The following UGT1A3 variants were observed in gnomAD, a reference collection of about 807,000 sequenced individuals.
UGT1A3 encodes UDP-glucuronosyltransferase 1A3.
In UGT1A3, 31 loss-of-function variants were observed where a neutral mutation model predicts 41.0. The observed-to-expected ratio is 0.76, with a 90% CI of 0.57 to 1.02. The LOEUF (loss-of-function observed/expected upper bound fraction) is 1.02, where lower values mean the gene tolerates loss of function less well. Among genes scored for constraint, UGT1A3 ranks in the 50% least tolerant of loss-of-function variants. UGT1A3 has a pLI of 0.00. For synonymous variants in UGT1A3, 262 were observed against 257.6 expected, an observed-to-expected ratio of 1.02 and a Z score of -0.17; for missense variants, 737 against 671.0, an observed-to-expected ratio of 1.10 and a Z score of -1.09.
intron 1 of UGT1A3, among the ~76,000 whole-genome samples, chr2:233,746,455 T>G (rs1294598845): frequency 6.6e-6 from 1 of 151,652 alleles, no homozygotes; most frequent in Non-Finnish European, 1.5e-5. Context: ...GAAAGTACCT[T>G]CAAAAGGGTT....
At chr2:233,771,972 A>G (rs1700426237) in intron 4 of UGT1A3, among the ~76,000 whole-genome samples, 1 of 152,212 alleles carries the variant, frequency 6.6e-6, no homozygotes, top group African/African-American at 2.4e-5. Flanking sequence ...AAAATTGGCC[A>G]GACATAGTGG....
chr2:233,769,855 C>T lies in UGT1A3; in HGVS notation c.1307+1416C>T. The T allele has an allele frequency of 2.7e-6, 1 of 372,078 alleles. No individual in the cohort carries two copies. The highest frequency in any genetic ancestry group is 4.4e-6 in the Non-Finnish European group (1 of 226,694). The allele number at this position is 372,078 out of a possible 1,614,324, so 23.0% of individuals were successfully genotyped here. On this transcript the variant is annotated intron_variant, in intron 4 of 4. Coordinates refer to ENST00000482026, the MANE Select transcript of UGT1A3 (RefSeq NM_019093.4). The surrounding 1 kb of genome is among the most constrained non-coding windows in gnomAD (Gnocchi z 4.4). ...CCTGGGCAACAGAGTGAGACCCTGT[C>T]TCAAAAAAAAAAAAAAAAATGAAAA...
chr2:233,731,908 A>T (rs2078219373), intron 1 of UGT1A3, among the ~76,000 whole-genome samples: 1 of 152,202 alleles, frequency 6.6e-6, no homozygotes, highest in African/African-American at 2.4e-5. Flanking sequence ...CCAATGGTGT[A>T]AAAGTGTTCC....
Position 233,772,725 on chromosome 2 carries a change from A to G in UGT1A3, c.*166A>G. ...AAATTCTCTTAAATAAAAATAATAG[A>G]CTCGCTAGTCAGTAAAGATATTTGA... On this transcript the variant is annotated 3_prime_UTR_variant, in exon 5 of 5. Coordinates refer to ENST00000482026, the MANE Select transcript of UGT1A3 (RefSeq NM_019093.4). The G allele has an allele frequency of 6.9e-7, 1 of 1,452,344 alleles. No homozygotes were observed. Among genetic ancestry groups the G allele is most frequent in the Non-Finnish European group, 9.0e-7 (1 of 1,105,170 alleles). The allele number at this position is 1,452,344 out of a possible 1,614,324, so 90.0% of individuals were successfully genotyped here.
At position 233,731,426 on chromosome 2, in the gene UGT1A3, C is replaced by A. The variant is rs575531992; in HGVS notation, c.867+1433C>A. Among the ~76,000 whole-genome samples, 3 of 152,128 alleles carry A rather than the reference C, an allele frequency of 2.0e-5. No homozygotes were observed. The South Asian group carries it at 6.2e-4, about 32-fold the overall frequency. On this transcript the variant is annotated intron_variant, in intron 1 of 4. Coordinates refer to ENST00000482026, the MANE Select transcript of UGT1A3 (RefSeq NM_019093.4). ...CATTAGGTATTTTTCCTAATGCCATCCCTCCCCCAGTCCCCCACCCCACAA... is the reference window on the plus strand; with the variant it reads ...CATTAGGTATTTTTCCTAATGCCATACCTCCCCCAGTCCCCCACCCCACAA...
chr2:233,735,863 T>C (rs1339827457), intron 1 of UGT1A3, among the ~76,000 whole-genome samples: 2 of 151,778 alleles, frequency 1.3e-5, no homozygotes, highest in Non-Finnish European at 2.9e-5. Context: ...CTTGTAGGGT[T>C]TCTGCAGAGA....
intron 1 of UGT1A3, among the ~76,000 whole-genome samples, chr2:233,744,373 G>A (rs1353064237): frequency 6.6e-6 from 1 of 151,860 alleles, no homozygotes; most frequent in Non-Finnish European, 1.5e-5. Context: ...TAGGACTGCA[G>A]TTCTCCAACG....
chr2:233,735,745 A>T lies in UGT1A3; in HGVS notation c.867+5752A>T, dbSNP rs1416726513. Among the ~76,000 whole-genome samples, 5 of 152,186 alleles carry T rather than the reference A, an allele frequency of 3.3e-5. No individual in the cohort carries two copies. The East Asian group carries it at 9.6e-4, about 29-fold the overall frequency. ...CTCAGCATTTGCTTGTCTATAAAGG[A>T]TTTTATTTCTCCTTCACTTATGAAG... On this transcript the variant is annotated intron_variant, in intron 1 of 4. Coordinates refer to ENST00000482026, the MANE Select transcript of UGT1A3 (RefSeq NM_019093.4).
chr2:233,744,268 G>A (rs975143580), intron 1 of UGT1A3, among the ~76,000 whole-genome samples: 1 of 151,806 alleles, frequency 6.6e-6, no homozygotes, highest in Non-Finnish European at 1.5e-5. Context: ...TTTTCTTAAA[G>A]TAGGCTTTAT....
In UGT1A3 at chr2:233,729,997, T is replaced by G; in HGVS notation, c.867+4T>G. On this transcript the variant is annotated splice_donor_region_variant and intron_variant, in intron 1 of 4. Transcript: ENST00000482026. ...CAACAGGAAGCCACTATCTCAGGTC[T>G]GTATTGGTGCCTTCATCCAATCAAT... is the stretch of plus-strand genomic sequence containing the variant. 3 of 1,614,024 alleles carry G rather than the reference T, an allele frequency of 1.9e-6. No individual in the cohort carries two copies. The South Asian group carries it at 3.3e-5, about 18-fold the overall frequency.
rs771653845 is a variant in UGT1A3, at chr2:233,729,158, G to C, written c.32G>C (p.Trp11Ser). 73 of 1,613,350 alleles carry C rather than the reference G, an allele frequency of 4.5e-5. No homozygotes were observed. Among genetic ancestry groups the C allele is most frequent in the Middle Eastern group, 1.8e-4 (1 of 5,680 alleles). The change falls in exon 1 of 5, where the codon TGG (tryptophan) becomes TCG (serine). Residue 11 changes from tryptophan to serine, a missense_variant. Trp to Ser is a radical substitution (Grantham distance 177). Transcript: ENST00000482026. MATGLQVPLP[W>S]LATGLLLLLS... ...ACAGGACTCCAGGTTCCCCTGCCGT[G>C]GCTGGCCACAGGACTGCTGCTTCTC...
rs1700524777 is a variant in UGT1A3, at chr2:233,772,469, C to T, written c.1515C>T (p.Phe505=). ...FLLAVVLTVA[F]ITFKCCAYGY... ...TGGCCGTCGTGCTGACAGTGGCCTTCATCACCTTTAAATGTTGTGCTTATG... is the reference window on the plus strand; with the variant it reads ...TGGCCGTCGTGCTGACAGTGGCCTTTATCACCTTTAAATGTTGTGCTTATG... Residue 505 remains phenylalanine (F), a synonymous_variant, in exon 5 of 5, where the codon TTC becomes TTT. Coordinates refer to ENST00000482026, the MANE Select transcript of UGT1A3 (RefSeq NM_019093.4). 12 of 1,614,144 alleles carry T rather than the reference C, an allele frequency of 7.4e-6. No homozygotes were observed. The highest frequency in any genetic ancestry group is 1.0e-5 in the Non-Finnish European group (12 of 1,180,034).
At position 233,729,376 on chromosome 2, in the gene UGT1A3, T is replaced by C; in HGVS notation, c.250T>C (p.Trp84Arg). 1 of 1,614,080 alleles carries C rather than the reference T, an allele frequency of 6.2e-7. No individual in the cohort carries two copies. Among genetic ancestry groups the C allele is most frequent in the Non-Finnish European group, 8.5e-7 (1 of 1,179,942 alleles). Residue 84 changes from tryptophan (W) to arginine (R), a missense_variant, in exon 1 of 5, where the codon TGG (tryptophan) becomes CGG (arginine). Transcript: ENST00000482026. The part of the protein sequence containing the change: ...FFTLTTYAIS[W>R]TQDEFDRHVL... The stretch of plus-strand genomic sequence containing the variant: ...CACCCTGACAACCTATGCCATTTCG[T>C]GGACCCAGGATGAATTTGATCGCCA...
intron 1 of UGT1A3, chr2:233,755,200 G>C: frequency 9.0e-7 from 1 of 1,105,698 alleles, no homozygotes; most frequent in Non-Finnish European, 1.3e-6. Context: ...GCCAGCTTGC[G>C]GTACGCCTTC....
chr2:233,761,183 A>G (rs753887460), intron 1 of UGT1A3: 42 of 1,614,074 alleles, frequency 2.6e-5, no homozygotes, highest in Non-Finnish European at 3.5e-5. Context: ...TTACATGCGT[A>G]TATTCTTTCA....
chr2:233,747,103 T>A, intron 1 of UGT1A3: 1 of 1,362,910 alleles, frequency 7.3e-7, no homozygotes, highest in Non-Finnish European at 1.0e-6. Flanking sequence ...TATCTTCCAA[T>A]TACATGATGA....
intron 1 of UGT1A3, among the ~76,000 whole-genome samples, chr2:233,733,033 T>G (rs202002745): frequency 2.0e-5 from 3 of 152,098 alleles, no homozygotes; most frequent in Non-Finnish European, 4.4e-5. Context: ...CACATCCCTT[T>G]TAAGTTGGAT....
intron 1 of UGT1A3, among the ~76,000 whole-genome samples, chr2:233,744,427 T>C (rs1221651523): frequency 2.0e-5 from 3 of 151,848 alleles, no homozygotes; most frequent in East Asian, 1.9e-4. Flanking sequence ...GTGGATTATA[T>C]CTATCATACG....
chr2:233,730,673 A>G (rs1217219739), intron 1 of UGT1A3, among the ~76,000 whole-genome samples: 2 of 152,106 alleles, frequency 1.3e-5, no homozygotes, highest in South Asian at 2.1e-4. Flanking sequence ...AGGCAAAGTA[A>G]TGGTTGCATC....
Sources: gnomAD v4.1 joint callset for allele counts (sites outside exome capture counted in the v4.1 genomes callset) on GRCh38, gnomAD v4.1.1 for gene constraint, Gnocchi (gnomAD v3.1) non-coding constraint, MANE v1.5 for transcripts, NCBI Gene and HGNC (gene_info 2026-07-23, HGNC 2026-07-21) for gene names.